DAB1: variants seen among roughly 807,000 people sequenced by gnomAD.
DAB1 encodes disabled homolog 1.
In DAB1, 15 loss-of-function variants were observed where a neutral mutation model predicts 64.6. That is an observed-to-expected ratio of 0.23 (90% CI 0.16 to 0.36). The LOEUF is 0.36. Ranked by LOEUF, DAB1 falls within the 10% of genes least tolerant of loss-of-function variation. The pLI, the probability that DAB1 is intolerant of heterozygous loss-of-function variation, is 1.00. For synonymous variants in DAB1, 235 were observed against 251.9 expected, an observed-to-expected ratio of 0.93 and a Z score of 0.64; for missense variants, 596 against 706.7, an observed-to-expected ratio of 0.84 and a Z score of 1.78.
intron 6 of DAB1, among the ~76,000 whole-genome samples, chr1:57,734,204 C>T (rs1330031281): frequency 6.6e-6 from 1 of 152,154 alleles, no homozygotes; most frequent in East Asian, 1.9e-4. Context: ...CCTTGGGCAA[C>T]TGAGTCACCT....
At chr1:57,881,154 A>G (rs1242259900) in intron 1 of DAB1, among the ~76,000 whole-genome samples, 3 of 152,214 alleles carry the variant, frequency 2.0e-5, no homozygotes, top group African/African-American at 7.2e-5. Context: ...AAAGCAGTTT[A>G]TAAATAACAA....
At chr1:58,020,642 C>G (rs2100452494) in intron 5 of DAB1, among the ~76,000 whole-genome samples, 1 of 152,312 alleles carries the variant, frequency 6.6e-6, no homozygotes, top group Non-Finnish European at 1.5e-5. Context: ...CCCAAGGTGG[C>G]CTGATACGCA....
At chr1:57,177,646 C>T (rs1662470195) in intron 2 of DAB1, among the ~76,000 whole-genome samples, 1 of 152,106 alleles carries the variant, frequency 6.6e-6, no homozygotes, top group African/African-American at 2.4e-5. Context: ...CTACTCAGTC[C>T]AGTATCTGGG....
rs968442356 is a variant in DAB1, at chr1:57,228,796, A to T, written c.67+62168T>A. ...TAGAATAGTTATTAAAGTTTTTTTT[A>T]AAAGCCCCATATTGTAAACTACCTA... On this transcript the variant is annotated intron_variant, in intron 2 of 14. Coordinates refer to ENST00000371236, the MANE Select transcript of DAB1 (RefSeq NM_001365792.1). 4.3e-4 allele frequency among the ~76,000 whole-genome samples: 65 copies of T among 152,308 alleles called. 1 individual carries two copies. Among genetic ancestry groups the T allele is most frequent in the African/African-American group, 1.5e-3 (62 of 41,586 alleles).
intron 5 of DAB1, among the ~76,000 whole-genome samples, chr1:57,890,343 G>C (rs1434038316): frequency 6.6e-6 from 1 of 152,032 alleles, no homozygotes; most frequent in Non-Finnish European, 1.5e-5. Context: ...CTGCCACTGG[G>C]TCTGTGACCC....
chr1:57,065,009 A>G (rs1172740060), intron 8 of DAB1, among the ~76,000 whole-genome samples: 1 of 152,210 alleles, frequency 6.6e-6, no homozygotes, highest in East Asian at 1.9e-4. Flanking sequence ...TGTTGCCCGT[A>G]ATTCACTGCT....
intron 7 of DAB1, among the ~76,000 whole-genome samples, chr1:57,575,328 C>T (rs1472765599): frequency 6.6e-6 from 1 of 152,188 alleles, no homozygotes; most frequent in Non-Finnish European, 1.5e-5. Flanking sequence ...AATTCTACAT[C>T]TATTTAGTTG....
intron 5 of DAB1, among the ~76,000 whole-genome samples, chr1:58,058,462 C>T (rs2808814): frequency 0.73 from 110,780 of 152,118 alleles, 42,350 homozygotes; most frequent in Non-Finnish European, 0.85. Flanking sequence ...ATATCAGCCA[C>T]GCTCGACTGT....
At chr1:57,990,126 C>A (rs896323860) in intron 5 of DAB1, among the ~76,000 whole-genome samples, 1 of 152,188 alleles carries the variant, frequency 6.6e-6, no homozygotes. Context: ...GCTGGTCAAG[C>A]AGCAGAGTGT....
chr1:58,141,227 T>G (rs763474078), intron 5 of DAB1, among the ~76,000 whole-genome samples: 16 of 152,184 alleles, frequency 1.1e-4, no homozygotes, highest in Non-Finnish European at 1.6e-4. Context: ...GAGGTTTTAT[T>G]GACTCACAGT....
At chr1:58,371,079 G>C (rs1161094709) in intron 3 of DAB1, among the ~76,000 whole-genome samples, 1 of 152,212 alleles carries the variant, frequency 6.6e-6, no homozygotes, top group African/African-American at 2.4e-5. Context: ...AGTTTGGAAG[G>C]CTCAGAAGAA....
chr1:57,410,883 C>T (rs551757), intron 1 of DAB1, among the ~76,000 whole-genome samples: 2,744 of 152,182 alleles, frequency 0.018, 78 homozygotes, highest in African/African-American at 0.062. Flanking sequence ...GAAAACACAA[C>T]GAAACATGTG....
intron 4 of DAB1, among the ~76,000 whole-genome samples, chr1:58,314,168 T>A (rs1662498315): frequency 6.6e-6 from 1 of 152,130 alleles, no homozygotes. Flanking sequence ...GCAATATCTT[T>A]TAGATATGGG....
At chr1:58,431,934 G>C (rs1395431394) in intron 3 of DAB1, among the ~76,000 whole-genome samples, 2 of 152,180 alleles carry the variant, frequency 1.3e-5, no homozygotes, top group African/African-American at 2.4e-5. Context: ...TTGACATGTG[G>C]GACTACGGGC....
chr1:58,117,272 T>C (rs1055677921), intron 5 of DAB1, among the ~76,000 whole-genome samples: 30 of 152,334 alleles, frequency 2.0e-4, no homozygotes, highest in African/African-American at 6.7e-4. Context: ...CCCAGTACTT[T>C]ATAATTAACA....
intron 6 of DAB1, among the ~76,000 whole-genome samples, chr1:57,765,439 T>C (rs1344952091): frequency 6.6e-6 from 1 of 152,188 alleles, no homozygotes; most frequent in East Asian, 1.9e-4. Context: ...AGCTTCTAAA[T>C]AAGCTTTGGT....
chr1:57,952,298 A>G (rs779009631), intron 5 of DAB1, among the ~76,000 whole-genome samples: 23 of 152,144 alleles, frequency 1.5e-4, no homozygotes, highest in Non-Finnish European at 2.9e-4. Context: ...GCTCATAAAG[A>G]CAATGGGGGA....
At chr1:58,530,913 A>C (rs914600727) in intron 1 of DAB1, among the ~76,000 whole-genome samples, 3 of 152,080 alleles carry the variant, frequency 2.0e-5, no homozygotes, top group African/African-American at 7.2e-5. Flanking sequence ...ATCTACTTAT[A>C]TACCTATTCA....
chr1:58,382,447 C>T (rs528101386), intron 3 of DAB1, among the ~76,000 whole-genome samples: 1 of 152,284 alleles, frequency 6.6e-6, no homozygotes, highest in African/African-American at 2.4e-5. Flanking sequence ...CAAAGCCAAC[C>T]CAGATGTCTC....
Sources: allele counts gnomAD v4.1 joint callset (sites outside exome capture counted in the v4.1 genomes callset), GRCh38; gene constraint gnomAD v4.1.1; transcripts MANE v1.5; gene names NCBI Gene and HGNC (gene_info 2026-07-23, HGNC 2026-07-21).